The following SLC5A11 variants were observed in gnomAD, a reference collection of about 807,000 sequenced individuals.
SLC5A11 encodes the protein sodium/myo-inositol cotransporter 2.
Under a neutral mutation model 69.8 loss-of-function variants are expected in SLC5A11, and 48 were observed. The observed-to-expected ratio is 0.69, with a 90% CI of 0.55 to 0.87. The LOEUF (loss-of-function observed/expected upper bound fraction) is 0.87. Ranked by LOEUF, SLC5A11 falls within the 40% of genes least tolerant of loss-of-function variation. The probability of loss-of-function intolerance (pLI) is 0.00; values close to 1 mark genes in which losing one functional copy is unlikely to be tolerated. For missense variants in SLC5A11, 784 were observed against 866.1 expected, an observed-to-expected ratio of 0.91 and a Z score of 1.19; for synonymous variants, 319 against 342.4, an observed-to-expected ratio of 0.93 and a Z score of 0.75.
At chr16:24,904,708 C>T (rs1461399859) in intron 10 of SLC5A11, among the ~76,000 whole-genome samples, 2 of 152,144 alleles carry the variant, frequency 1.3e-5, no homozygotes, top group Non-Finnish European at 2.9e-5. Context: ...TTTTCTGATC[C>T]TGAGTTCTTG....
intron 10 of SLC5A11, among the ~76,000 whole-genome samples, chr16:24,904,900 A>G (rs182492824): frequency 7.1e-4 from 108 of 152,214 alleles, no homozygotes; most frequent in African/African-American, 2.5e-3. Flanking sequence ...TTTAAGCTCC[A>G]CGTGCATTAG....
intron 7 of SLC5A11, among the ~76,000 whole-genome samples, chr16:24,878,481 T>C (rs2047831516): frequency 6.6e-6 from 1 of 152,208 alleles, no homozygotes; most frequent in South Asian, 2.1e-4. Context: ...ATATAACTCA[T>C]TCCATATATA....
chr16:24,893,370 C>A (rs2048942856), intron 9 of SLC5A11, among the ~76,000 whole-genome samples: 1 of 151,818 alleles, frequency 6.6e-6, no homozygotes, highest in African/African-American at 2.4e-5. Context: ...CAGCAACACT[C>A]TGTCTCAAAA....
intron 8 of SLC5A11, among the ~76,000 whole-genome samples, chr16:24,886,913 A>G (rs2048438531): frequency 6.6e-6 from 1 of 152,142 alleles, no homozygotes; most frequent in African/African-American, 2.4e-5. Context: ...GGCTGCAGTG[A>G]GCTATTATTG....
At chr16:24,910,967 A>C (rs1259551943) in intron 15 of SLC5A11, among the ~76,000 whole-genome samples, 1 of 151,996 alleles carries the variant, frequency 6.6e-6, no homozygotes, top group Admixed American at 6.6e-5. Flanking sequence ...TCAGGAGTTC[A>C]AGACCAGCCT....
At chr16:24,874,408 C>T (rs2152313033) in intron 5 of SLC5A11, among the ~76,000 whole-genome samples, 1 of 152,326 alleles carries the variant, frequency 6.6e-6, no homozygotes, top group East Asian at 1.9e-4. Flanking sequence ...TATTGACAAA[C>T]ATTTTCCCAG....
chr16:24,909,469 G>A (rs986775533), intron 14 of SLC5A11, among the ~76,000 whole-genome samples: 12 of 151,654 alleles, frequency 7.9e-5, no homozygotes, highest in East Asian at 3.9e-4. Context: ...GTGAGATCCC[G>A]TCTCTTAAAA....
At chr16:24,884,758 C>T (rs766184333) in intron 8 of SLC5A11, among the ~76,000 whole-genome samples, 21 of 151,124 alleles carry the variant, frequency 1.4e-4, no homozygotes, top group Non-Finnish European at 2.4e-4. Context: ...TTGTTTGTTT[C>T]GAGACAGGGT....
Position 24,891,085 on chromosome 16 carries a change from G to A in SLC5A11, c.870+11G>A, listed in dbSNP as rs372613685. On this transcript the variant is annotated intron_variant, in intron 9 of 15. Transcript: ENST00000347898. Reference sequence around the variant, plus strand: ...TGGTGCACGGATCAGGTACAGGACAGTGGCCTGAGCAAGTTTTTCCTTCTC... The same window carrying A: ...TGGTGCACGGATCAGGTACAGGACAATGGCCTGAGCAAGTTTTTCCTTCTC... 4 of 1,608,762 alleles carry A rather than the reference G, an allele frequency of 2.5e-6. No homozygotes were observed. Among genetic ancestry groups the A allele is most frequent in the Non-Finnish European group, 3.4e-6 (4 of 1,175,988 alleles).
chr16:24,887,695 A>G (rs2068815365), intron 8 of SLC5A11, among the ~76,000 whole-genome samples: 1 of 152,210 alleles, frequency 6.6e-6, no homozygotes, highest in African/African-American at 2.4e-5. Flanking sequence ...TCTTATAAGC[A>G]GTTACAATCT....
intron 1 of SLC5A11, among the ~76,000 whole-genome samples, chr16:24,849,593 A>AAAAAAAAAAAATATATATATAT: frequency 8.4e-5 from 3 of 35,908 alleles, no homozygotes; most frequent in African/African-American, 1.8e-4. Flanking sequence ...AAAAAAAAAA[A>AAAAAAAAAAAATATATATATAT]ATATATATAT....
At chr16:24,877,879 G>T (rs1175117614) in intron 7 of SLC5A11, among the ~76,000 whole-genome samples, 1 of 152,242 alleles carries the variant, frequency 6.6e-6, no homozygotes, top group African/African-American at 2.4e-5. Context: ...AGCTACTCAG[G>T]AGGCCGAGGC....
intron 10 of SLC5A11, among the ~76,000 whole-genome samples, chr16:24,899,895 G>C (rs986283738): frequency 2.0e-5 from 3 of 152,016 alleles, no homozygotes; most frequent in African/African-American, 7.2e-5. Flanking sequence ...TAGCTATGGG[G>C]GTCTCACTGT....
In SLC5A11 at chr16:24,906,631, C is replaced by G. The variant is rs777103987; in HGVS notation, c.1007-26C>G. 4 of 1,566,172 alleles carry G rather than the reference C, an allele frequency of 2.6e-6. No individual in the cohort carries two copies. In the African/African-American group the frequency reaches 5.4e-5, roughly 21 times the overall value. Reference sequence around the variant, plus strand: ...GGGGCTCTGGGGGCCTGACTGCTCACCTCTGGGCCTGTGTTTCCTTCGTAG... The same window carrying G: ...GGGGCTCTGGGGGCCTGACTGCTCAGCTCTGGGCCTGTGTTTCCTTCGTAG... On this transcript the variant is annotated intron_variant, in intron 10 of 15. Coordinates refer to ENST00000347898, the Ensembl canonical transcript of SLC5A11.
chr16:24,863,053 TAG>T (rs2046698961), intron 3 of SLC5A11, among the ~76,000 whole-genome samples: 2 of 140,844 alleles, frequency 1.4e-5, no homozygotes, highest in Non-Finnish European at 1.5e-5. Context: ...ATGTAATATA[TAG>T]TTATATAATA....
intron 12 of SLC5A11, among the ~76,000 whole-genome samples, chr16:24,907,706 C>A (rs1423547923): frequency 8.9e-5 from 13 of 145,542 alleles, no homozygotes; most frequent in South Asian, 2.2e-4. Flanking sequence ...GACTCTGTCT[C>A]AAAAAAAAAA....
intron 3 of SLC5A11, among the ~76,000 whole-genome samples, chr16:24,867,610 C>T (rs1205146805): frequency 6.6e-6 from 1 of 151,806 alleles, no homozygotes. Flanking sequence ...ACAAAATTGA[C>T]CAATTTCTAC....
chr16:24,858,120 A>T (rs2059611791), intron 1 of SLC5A11, among the ~76,000 whole-genome samples: 1 of 152,236 alleles, frequency 6.6e-6, no homozygotes, highest in Non-Finnish European at 1.5e-5. Flanking sequence ...ACTTAGAATG[A>T]TGCCCAGGAT....
chr16:24,894,286 T>G (rs1208257518), intron 9 of SLC5A11, among the ~76,000 whole-genome samples: 1 of 152,146 alleles, frequency 6.6e-6, no homozygotes, highest in African/African-American at 2.4e-5. Flanking sequence ...CTGGTCACCA[T>G]GCTCCACCAT....
Sources: allele counts gnomAD v4.1 joint callset (sites outside exome capture counted in the v4.1 genomes callset), GRCh38; gene constraint gnomAD v4.1.1; transcripts MANE v1.5; gene names NCBI Gene and HGNC (gene_info 2026-07-23, HGNC 2026-07-21).